Variants in JARID2 observed in about 807,000 individuals in gnomAD.
JARID2 encodes jumonji and AT-rich interaction domain containing 2.
A neutral mutation model predicts 125.6 loss-of-function variants in JARID2; 21 were observed. The ratio of observed to expected loss-of-function variants is 0.17; its 90% CI spans 0.12 to 0.24. The LOEUF (loss-of-function observed/expected upper bound fraction) is 0.24. Among genes scored for constraint, JARID2 ranks in the 10% least tolerant of loss-of-function variants. The pLI is 1.00. For synonymous variants in JARID2, 736 were observed against 661.6 expected (o/e 1.11, Z -1.73); for missense variants, 1,303 against 1,639.6 (o/e 0.79, Z 3.55).
chr6:15,465,327 C>T (rs1768665637), intron 4 of JARID2, among the ~76,000 whole-genome samples: 1 of 152,124 alleles, frequency 6.6e-6, no homozygotes, highest in Admixed American at 6.5e-5. Context: ...GTGGTGTGCA[C>T]CTGTAGTCCC....
intron 3 of JARID2, among the ~76,000 whole-genome samples, chr6:15,428,627 C>T (rs1440948424): frequency 6.6e-6 from 1 of 152,136 alleles, no homozygotes; most frequent in Non-Finnish European, 1.5e-5. Context: ...CTTCTAGTGC[C>T]AGGCATGGTG....
In JARID2 at chr6:15,288,922, C is replaced by T. The variant is rs144695748; in HGVS notation, c.45+42338C>T. On this transcript the variant is annotated intron_variant, in intron 1 of 17. Coordinates refer to ENST00000341776, the MANE Select transcript of JARID2 (RefSeq NM_004973.4). ...AGCTAGTAAGCTCTGGTACCCAAGC[C>T]GGAGATGAGTCAGCTTCTCTCGTTA... Among the ~76,000 whole-genome samples the T allele has an allele frequency of 1.8e-3, 269 of 152,298 alleles. 1 individual carries two copies. The highest frequency in any genetic ancestry group is 6.1e-3 in the African/African-American group (254 of 41,562).
At chr6:15,420,492 G>T (rs1045498128) in intron 3 of JARID2, among the ~76,000 whole-genome samples, 1 of 152,090 alleles carries the variant, frequency 6.6e-6, no homozygotes, top group African/African-American at 2.4e-5. Context: ...TGAACATGTG[G>T]AGTACAGTTA....
intron 5 of JARID2, among the ~76,000 whole-genome samples, chr6:15,478,773 G>A (rs758408549): frequency 1.3e-5 from 2 of 152,006 alleles, no homozygotes; most frequent in African/African-American, 2.4e-5. Context: ...GGGTTCAAGC[G>A]ATTCTCCTGC....
intron 1 of JARID2, among the ~76,000 whole-genome samples, chr6:15,273,989 C>G (rs1002125179): frequency 6.6e-6 from 1 of 150,948 alleles, no homozygotes; most frequent in African/African-American, 2.4e-5. Context: ...AGTGCAGTGG[C>G]ACGATCTCAG....
chr6:15,252,105 C>A (rs914168086), intron 1 of JARID2, among the ~76,000 whole-genome samples: 3 of 152,218 alleles, frequency 2.0e-5, no homozygotes, highest in Non-Finnish European at 4.4e-5. Flanking sequence ...GGACTGTCCA[C>A]ACACATTGCT....
intron 1 of JARID2, among the ~76,000 whole-genome samples, chr6:15,277,199 A>G (rs1375654926): frequency 6.6e-6 from 1 of 152,174 alleles, no homozygotes; most frequent in African/African-American, 2.4e-5. Context: ...CTTTGGAGAG[A>G]GAAGTGGCCT....
chr6:15,256,489 G>A (rs1371325888), intron 1 of JARID2, among the ~76,000 whole-genome samples: 1 of 152,190 alleles, frequency 6.6e-6, no homozygotes, highest in Non-Finnish European at 1.5e-5. Flanking sequence ...TGATTATGAT[G>A]TGAACACAAT....
chr6:15,479,430 GTTATT>G (rs955760328), intron 5 of JARID2, among the ~76,000 whole-genome samples: 19 of 152,318 alleles, frequency 1.2e-4, no homozygotes, highest in African/African-American at 4.6e-4. Context: ...ATCCAAGTCT[GTTATT>G]TTATCATTGC....
At chr6:15,308,305 A>G (rs1167208714) in intron 1 of JARID2, among the ~76,000 whole-genome samples, 1 of 152,166 alleles carries the variant, frequency 6.6e-6, no homozygotes, top group East Asian at 1.9e-4. Context: ...TTTGAAAGTG[A>G]TTCTGTGTGG....
intron 1 of JARID2, among the ~76,000 whole-genome samples, chr6:15,340,980 A>T (rs554906803): frequency 1.2e-4 from 19 of 152,320 alleles, no homozygotes; most frequent in African/African-American, 4.6e-4. Flanking sequence ...AGCGGTGCTA[A>T]TACACTTTCT....
intron 4 of JARID2, among the ~76,000 whole-genome samples, chr6:15,463,198 T>A (rs115000998): frequency 1.1e-3 from 169 of 152,292 alleles, no homozygotes; most frequent in African/African-American, 3.9e-3. Flanking sequence ...AGTCTTCCCC[T>A]GCTCCCCCTG....
chr6:15,512,418 G>T (rs760404688), intron 14 of JARID2, 28 bp downstream of exon 14: 1 of 1,607,896 alleles, frequency 6.2e-7, no homozygotes, highest in Middle Eastern at 1.7e-4. Flanking sequence ...CCTCCCGCTT[G>T]CTGCCCCCGC....
intron 1 of JARID2, among the ~76,000 whole-genome samples, chr6:15,309,788 G>A (rs532922152): frequency 1.1e-4 from 16 of 152,212 alleles, no homozygotes; most frequent in African/African-American, 3.4e-4. Context: ...GAAGGACAGG[G>A]ATTAGCCAGG....
chr6:15,287,131 A>G (rs1761033093), intron 1 of JARID2, among the ~76,000 whole-genome samples: 1 of 151,526 alleles, frequency 6.6e-6, no homozygotes, highest in African/African-American at 2.4e-5. Flanking sequence ...TCATCTCAAA[A>G]AAAAAGAAAA....
intron 1 of JARID2, among the ~76,000 whole-genome samples, chr6:15,356,552 A>T (rs1398084304): frequency 1.2e-4 from 18 of 148,716 alleles, no homozygotes; most frequent in African/African-American, 3.9e-4. Flanking sequence ...AAGGGAGAGC[A>T]TTTTTTTTTT....
At chr6:15,368,975 C>T (rs1417204162) in intron 1 of JARID2, among the ~76,000 whole-genome samples, 3 of 152,060 alleles carry the variant, frequency 2.0e-5, no homozygotes, top group African/African-American at 2.4e-5. Flanking sequence ...AACAGGCTGC[C>T]GAGTGGTTAA....
intron 1 of JARID2, among the ~76,000 whole-genome samples, chr6:15,294,646 G>C (rs1048889556): frequency 6.6e-6 from 1 of 152,224 alleles, no homozygotes; most frequent in Non-Finnish European, 1.5e-5. Flanking sequence ...GGAGTGGGGA[G>C]GTTGATGCAG....
rs1771853771 is a variant in JARID2 at position 15,521,555 on chromosome 6, AATAAT to A, written c.*1306_*1310del. On this transcript the variant is annotated 3_prime_UTR_variant, in exon 18 of 18. Transcript: ENST00000341776. ...TTACATCACTGAACAACAACAAAAA[AATAAT>A]AATGGAGTAGCTGTTGCCCTTCTCC... 6.6e-6 allele frequency: 1 copy of A among 152,128 alleles called. No individual in the cohort carries two copies. Among genetic ancestry groups the A allele is most frequent in the African/African-American group, 2.4e-5 (1 of 41,406 alleles). The allele number at this position is 152,128 out of a possible 1,614,324, so 9.4% of individuals were successfully genotyped here. A position where few individuals can be genotyped will look rare whatever the true frequency, so the allele number is the denominator to read the frequency against.
Sources: allele counts gnomAD v4.1 joint callset (sites outside exome capture counted in the v4.1 genomes callset), GRCh38; gene constraint gnomAD v4.1.1; transcripts MANE v1.5; gene names NCBI Gene and HGNC (gene_info 2026-07-23, HGNC 2026-07-21).